The following ZDHHC21 variants were observed in gnomAD, a reference collection of about 807,000 sequenced individuals.
ZDHHC21 encodes the protein zDHHC palmitoyltransferase 21.
Under a neutral mutation model 34.6 loss-of-function variants are expected in ZDHHC21, and 15 were observed. The ratio of observed to expected loss-of-function variants is 0.43; its 90% CI spans 0.29 to 0.67. The LOEUF (loss-of-function observed/expected upper bound fraction) is 0.67. Among genes scored for constraint, ZDHHC21 ranks in the 30% least tolerant of loss-of-function variants. ZDHHC21 has a pLI of 0.14. For synonymous variants in ZDHHC21, 142 were observed against 101.8 expected (o/e 1.40, Z -2.38); for missense variants, 344 against 327.7 (o/e 1.05, Z -0.38).
intron 8 of ZDHHC21, among the ~76,000 whole-genome samples, chr9:14,625,075 A>G (rs950425614): frequency 8.6e-5 from 13 of 151,760 alleles, no homozygotes; most frequent in African/African-American, 2.9e-4. Context: ...TCTGATTAGT[A>G]TATGAACAGT....
intron 8 of ZDHHC21, among the ~76,000 whole-genome samples, chr9:14,636,055 A>T (rs1482513045): frequency 1.3e-5 from 2 of 152,206 alleles, no homozygotes; most frequent in Non-Finnish European, 2.9e-5. Flanking sequence ...TAAGCCTCAC[A>T]TATCAATAAT....
At chr9:14,633,887 G>A (rs1457407122) in intron 8 of ZDHHC21, among the ~76,000 whole-genome samples, 3 of 152,156 alleles carry the variant, frequency 2.0e-5, no homozygotes, top group Non-Finnish European at 4.4e-5. Flanking sequence ...GGCTGCAATG[G>A]ATGCCATCCC....
chr9:14,660,094 G>A (rs1380147594), intron 6 of ZDHHC21, among the ~76,000 whole-genome samples: 4 of 151,900 alleles, frequency 2.6e-5, no homozygotes, highest in Admixed American at 6.6e-5. Flanking sequence ...GGCCAGGCGC[G>A]GTGACTCAAG....
intron 3 of ZDHHC21, among the ~76,000 whole-genome samples, chr9:14,676,972 G>C (rs951665005): frequency 6.6e-6 from 1 of 151,900 alleles, no homozygotes; most frequent in Non-Finnish European, 1.5e-5. Context: ...ATATATGAGA[G>C]TAGCTTAAAT....
chr9:14,651,031 CAAAG>C (rs1831150162), intron 7 of ZDHHC21, among the ~76,000 whole-genome samples: 1 of 151,896 alleles, frequency 6.6e-6, no homozygotes, highest in Non-Finnish European at 1.5e-5. Context: ...GGTATACCAT[CAAAG>C]ATTAGCTGTA....
the ZDHHC21 span, among the ~76,000 whole-genome samples, chr9:14,594,989 T>G: frequency 6.6e-6 from 1 of 152,148 alleles, no homozygotes; most frequent in African/African-American, 2.4e-5. Context: ...CCACTACATA[T>G]TAACTTGGAT....
chr9:14,606,511 T>C (rs1447051046), downstream of ZDHHC21, among the ~76,000 whole-genome samples: 1 of 152,140 alleles, frequency 6.6e-6, no homozygotes, highest in Non-Finnish European at 1.5e-5. Context: ...TTGCCAGCCA[T>C]AGAATCTTCC....
chr9:14,649,991 T>G (rs946509638), intron 7 of ZDHHC21, among the ~76,000 whole-genome samples: 4 of 152,000 alleles, frequency 2.6e-5, no homozygotes, highest in African/African-American at 4.8e-5. Flanking sequence ...ACTGTAACAG[T>G]TTTACAGAGA....
intron 5 of ZDHHC21, among the ~76,000 whole-genome samples, chr9:14,663,640 G>C (rs953504295): frequency 6.6e-6 from 1 of 151,582 alleles, no homozygotes; most frequent in African/African-American, 2.4e-5. Flanking sequence ...ATATAGTAAA[G>C]CGTTGGGAAA....
rs1286512396 is a variant in ZDHHC21 at position 14,618,290 on chromosome 9, A to T, written c.*676T>A. On this transcript the variant is annotated 3_prime_UTR_variant, in exon 10 of 10. Coordinates refer to ENST00000380916, the MANE Select transcript of ZDHHC21 (RefSeq NM_178566.6). ...AATTGAAAAAATTATTGTGAAAAAAATTTTAACATTTCCTTTATAGTAAGG... is the reference window on the plus strand; with the variant it reads ...AATTGAAAAAATTATTGTGAAAAAATTTTTAACATTTCCTTTATAGTAAGG... 6.6e-6 allele frequency: 1 copy of T among 152,504 alleles called. No individual in the cohort carries two copies. The highest frequency in any genetic ancestry group is 1.9e-4 in the East Asian group (1 of 5,176). 9.4% of individuals were successfully genotyped at this position (152,504 alleles called of 1,614,324 possible).
At chr9:14,669,410 G>T (rs1257122010) in intron 5 of ZDHHC21, among the ~76,000 whole-genome samples, 1 of 142,774 alleles carries the variant, frequency 7.0e-6, no homozygotes, top group Non-Finnish European at 1.5e-5. Flanking sequence ...TGGTGGGACT[G>T]TAAACTAGTT....
intron 6 of ZDHHC21, among the ~76,000 whole-genome samples, chr9:14,661,508 G>A: frequency 6.6e-6 from 1 of 152,152 alleles, no homozygotes; most frequent in East Asian, 1.9e-4. Flanking sequence ...GAGAGCCAAT[G>A]CTAAGAAAAC....
intron 8 of ZDHHC21, among the ~76,000 whole-genome samples, chr9:14,631,216 A>T (rs1827285634): frequency 6.6e-6 from 1 of 152,224 alleles, no homozygotes; most frequent in African/African-American, 2.4e-5. Context: ...AATTTGTTGC[A>T]ACTTCTACAT....
chr9:14,672,798 T>A (rs1417833723), intron 5 of ZDHHC21, 32 bp downstream of exon 5: 4 of 1,431,984 alleles, frequency 2.8e-6, no homozygotes, highest in Non-Finnish European at 3.9e-6. Context: ...AATTCTGGCA[T>A]CAGCAAAACT....
chr9:14,672,977 T>G (rs752842306), intron 4 of ZDHHC21, 49 bp from the exon 5 acceptor site: 1 of 1,176,882 alleles, frequency 8.5e-7, no homozygotes, highest in Admixed American at 2.2e-5. Flanking sequence ...CTTCAAAACA[T>G]TTTATCAACA....
Position 14,617,091 on chromosome 9 carries a change from T to C in ZDHHC21, c.*1875A>G, listed in dbSNP as rs929510288. The C allele has an allele frequency of 3.3e-5, 5 of 151,932 alleles. No homozygotes were observed. Among genetic ancestry groups the C allele is most frequent in the Admixed American group, 2.0e-4 (3 of 15,234 alleles). 9.4% of individuals were successfully genotyped at this position (151,932 alleles called of 1,614,324 possible). A position where few individuals can be genotyped will look rare whatever the true frequency, so the allele number is the denominator to read the frequency against. Reference sequence around the variant, plus strand: ...CAATATAAGGCATTCAACTGATATCTACCTACCTTATCTATATATTACTTC... The same window carrying C: ...CAATATAAGGCATTCAACTGATATCCACCTACCTTATCTATATATTACTTC... On this transcript the variant is annotated 3_prime_UTR_variant, in exon 10 of 10. Coordinates refer to ENST00000380916, the MANE Select transcript of ZDHHC21 (RefSeq NM_178566.6).
At chr9:14,629,732 GGCT>G (rs1428274218) in intron 8 of ZDHHC21, among the ~76,000 whole-genome samples, 1 of 152,078 alleles carries the variant, frequency 6.6e-6, no homozygotes, top group Non-Finnish European at 1.5e-5. Flanking sequence ...CCAGGGTGGT[GGCT>G]GCTGAAGGCT....
the ZDHHC21 span, among the ~76,000 whole-genome samples, chr9:14,591,213 T>C: frequency 9.5e-4 from 145 of 152,260 alleles, no homozygotes; most frequent in Middle Eastern, 3.4e-3. Flanking sequence ...ATAATTTGAA[T>C]GTTTCTGTCC....
intron 8 of ZDHHC21, among the ~76,000 whole-genome samples, chr9:14,625,292 G>A (rs1412084051): frequency 6.6e-6 from 1 of 151,984 alleles, no homozygotes; most frequent in Non-Finnish European, 1.5e-5. Flanking sequence ...CATTTGAAAT[G>A]AATGGTTCTT....
Sources: gnomAD v4.1 joint callset for allele counts (sites outside exome capture counted in the v4.1 genomes callset) on GRCh38, gnomAD v4.1.1 for gene constraint, MANE v1.5 for transcripts, NCBI Gene and HGNC (gene_info 2026-07-23, HGNC 2026-07-21) for gene names.